The following RANBP2 variants were observed in gnomAD, a reference collection of about 807,000 sequenced individuals.
RANBP2 encodes the protein RAN binding protein 2.
RANBP2 carries 57 observed loss-of-function variants against 303.6 expected under a neutral mutation model. The observed-to-expected ratio is 0.19, with a 90% CI of 0.15 to 0.23. The LOEUF (loss-of-function observed/expected upper bound fraction) is 0.23. RANBP2 is among the 10% of genes least tolerant of loss of function. The probability of loss-of-function intolerance (pLI) is 1.00; values close to 1 mark genes in which losing one functional copy is unlikely to be tolerated. For missense variants in RANBP2, 3,138 were observed against 3,780.8 expected, an observed-to-expected ratio of 0.83 and a Z score of 4.46; for synonymous variants, 1,167 against 1,301.5, an observed-to-expected ratio of 0.90 and a Z score of 2.23.
chr2:108,800,961 C>T, the RANBP2 span, among the ~76,000 whole-genome samples: 2 of 99,688 alleles, frequency 2.0e-5, no homozygotes, highest in Admixed American at 1.2e-4. Flanking sequence ...ATAAACTCAT[C>T]ATTTTTTATG....
chr2:109,045,587 C>T, the RANBP2 span, among the ~76,000 whole-genome samples: 130,352 of 152,052 alleles, frequency 0.86, 57,909 homozygotes, highest in Non-Finnish European at 0.97. Context: ...TGATAGAAAC[C>T]CCAGGACCAC....
At chr2:109,053,569 G>C in the RANBP2 span, among the ~76,000 whole-genome samples, 4 of 152,166 alleles carry the variant, frequency 2.6e-5, no homozygotes, top group Non-Finnish European at 5.9e-5. Flanking sequence ...CAGCTTTCTC[G>C]AGCCTTGGGA....
chr2:109,483,677 G>A, the RANBP2 span, among the ~76,000 whole-genome samples: 15 of 152,204 alleles, frequency 9.9e-5, no homozygotes, highest in Non-Finnish European at 2.1e-4. Flanking sequence ...ACACACAAAG[G>A]AGTCCCTGGC....
At chr2:109,125,554 C>G in the RANBP2 span, among the ~76,000 whole-genome samples, 2 of 152,202 alleles carry the variant, frequency 1.3e-5, no homozygotes, top group Admixed American at 1.3e-4. Flanking sequence ...GTCTGAGGTA[C>G]AATGGGATTA....
the RANBP2 span, among the ~76,000 whole-genome samples, chr2:109,490,123 T>A: frequency 0.036 from 5,476 of 152,338 alleles, 145 homozygotes; most frequent in Non-Finnish European, 0.052. Flanking sequence ...GGAACCATTC[T>A]CCATGGGTCT....
chr2:109,424,563 G>C, the RANBP2 span, among the ~76,000 whole-genome samples: 2 of 152,172 alleles, frequency 1.3e-5, no homozygotes, highest in South Asian at 2.1e-4. Context: ...TGCTCACTTC[G>C]AGTCTCTGTG....
the RANBP2 span, among the ~76,000 whole-genome samples, chr2:109,169,753 T>TACACAC: frequency 3.3e-5 from 5 of 149,798 alleles, no homozygotes; most frequent in African/African-American, 1.2e-4. Context: ...AAAACAACCA[T>TACACAC]ACACACACAC....
At chr2:109,714,678 T>C in the RANBP2 span, among the ~76,000 whole-genome samples, 12 of 142,454 alleles carry the variant, frequency 8.4e-5, no homozygotes, top group East Asian at 6.6e-4. Context: ...GTGGTGCCAT[T>C]GGCTCACTGC....
chr2:109,607,705 T>C, the RANBP2 span, among the ~76,000 whole-genome samples: 3 of 152,172 alleles, frequency 2.0e-5, no homozygotes, highest in Admixed American at 6.5e-5. Context: ...CTGTTCTAGA[T>C]AAACCTTGAA....
the RANBP2 span, chr2:108,794,412 T>G: frequency 2.3e-6 from 2 of 861,574 alleles, no homozygotes; most frequent in African/African-American, 3.4e-5. Context: ...TATATTTTTC[T>G]TTGTCTCTCT....
chr2:109,001,420 G>A, the RANBP2 span, among the ~76,000 whole-genome samples: 1 of 152,228 alleles, frequency 6.6e-6, no homozygotes, highest in Non-Finnish European at 1.5e-5. Context: ...TCTCAGATGG[G>A]TGGCAGGCAG....
chr2:109,593,847 A>T, the RANBP2 span, among the ~76,000 whole-genome samples: 274 of 152,326 alleles, frequency 1.8e-3, no homozygotes, highest in African/African-American at 6.3e-3. Flanking sequence ...TAATTTGAAC[A>T]AGTACCTTAG....
the RANBP2 span, among the ~76,000 whole-genome samples, chr2:109,228,157 G>A: frequency 1.3e-5 from 2 of 152,278 alleles, no homozygotes; most frequent in South Asian, 2.1e-4. Flanking sequence ...TACTTGCAAC[G>A]TTTGGCAAAC....
chr2:108,828,579 G>A, the RANBP2 span, among the ~76,000 whole-genome samples: 2 of 152,162 alleles, frequency 1.3e-5, no homozygotes, highest in African/African-American at 2.4e-5. Flanking sequence ...ACAAGCGTAC[G>A]GAGACCACTC....
chr2:108,817,749 G>T, the RANBP2 span, among the ~76,000 whole-genome samples: 60 of 152,276 alleles, frequency 3.9e-4, no homozygotes, highest in African/African-American at 1.4e-3. Flanking sequence ...ACACAGCTCT[G>T]TATATACATT....
At chr2:108,906,628 AC>A in the RANBP2 span, among the ~76,000 whole-genome samples, 1 of 152,074 alleles carries the variant, frequency 6.6e-6, no homozygotes, top group Non-Finnish European at 1.5e-5. Flanking sequence ...ACTTGGGGAC[AC>A]CCCTGGCATC....
At chr2:108,782,461 A>C in intron 27 of RANBP2, 60 bp downstream of exon 27, 1 of 1,613,518 alleles carries the variant, frequency 6.2e-7, no homozygotes, top group South Asian at 1.1e-5. Flanking sequence ...AATCTATAAC[A>C]AACAAAACAA....
the RANBP2 span, among the ~76,000 whole-genome samples, chr2:109,173,518 T>G: frequency 6.6e-6 from 1 of 152,142 alleles, no homozygotes; most frequent in Non-Finnish European, 1.5e-5. Flanking sequence ...GCCTGCAGGC[T>G]ATGTATTGTC....
At chr2:109,761,666 C>A in the RANBP2 span, among the ~76,000 whole-genome samples, 1 of 148,558 alleles carries the variant, frequency 6.7e-6, no homozygotes, top group African/African-American at 2.5e-5. Context: ...CCGCCACTAT[C>A]TCTTAAATGT....
Sources: allele counts gnomAD v4.1 joint callset (sites outside exome capture counted in the v4.1 genomes callset), GRCh38; gene constraint gnomAD v4.1.1; transcripts MANE v1.5; gene names NCBI Gene and HGNC (gene_info 2026-07-23, HGNC 2026-07-21).